RNF38: variants seen among roughly 807,000 people sequenced by gnomAD.
The protein encoded by RNF38 is E3 ubiquitin-protein ligase RNF38.
In RNF38, 15 loss-of-function variants were observed where a neutral mutation model predicts 67.2. The ratio of observed to expected loss-of-function variants is 0.22; its 90% confidence interval spans 0.15 to 0.34. The LOEUF (loss-of-function observed/expected upper bound fraction) is 0.34. Among genes scored for constraint, RNF38 ranks in the 10% least tolerant of loss-of-function variants. The pLI is 1.00. For synonymous variants in RNF38, 220 were observed against 218.8 expected (o/e 1.01, Z -0.05); for missense variants, 524 against 639.9 (o/e 0.82, Z 1.95).
chr9:36,476,691 CT>C (rs1554702482), intron 1 of RNF38, among the ~76,000 whole-genome samples: 2 of 151,260 alleles, frequency 1.3e-5, no homozygotes, highest in South Asian at 4.2e-4. Context: ...GCCCGGCTAA[CT>C]TTTTTTTGTA....
At chr9:36,367,490 C>T (rs1835063386) in intron 4 of RNF38, among the ~76,000 whole-genome samples, 2 of 151,944 alleles carry the variant, frequency 1.3e-5, no homozygotes, top group Admixed American at 6.6e-5. Flanking sequence ...AATACTGAAC[C>T]CATGCAGGAC....
In RNF38 at chr9:36,353,281, T is replaced by C; in HGVS notation, c.960A>G (p.Pro320=). Residue 320 remains proline (P), a synonymous_variant, in exon 7 of 12, where the codon CCA becomes CCG. Transcript: ENST00000259605. ...ATGGAGGGTAAGTAAAACCTCCTACTGGAAGATGTTCTCCTAAGAGTTCCA... is the reference window on the plus strand; with the variant it reads ...ATGGAGGGTAAGTAAAACCTCCTACCGGAAGATGTTCTCCTAAGAGTTCCA... The part of the protein sequence containing the change: ...NEVELLGEHL[P]VGGFTYPPSA... 6.2e-7 allele frequency: 1 copy of C among 1,613,232 alleles called. No individual in the cohort carries two copies. The highest frequency in any genetic ancestry group is 2.2e-5 in the East Asian group (1 of 44,858).
At chr9:36,388,626 G>A (rs1009692022) in intron 2 of RNF38, among the ~76,000 whole-genome samples, 3 of 152,100 alleles carry the variant, frequency 2.0e-5, no homozygotes, top group Non-Finnish European at 2.9e-5. Flanking sequence ...CCTCATGCTT[G>A]GTGTGGGGGG....
intron 1 of RNF38, among the ~76,000 whole-genome samples, chr9:36,465,471 C>T (rs574388798): frequency 4.6e-5 from 7 of 152,116 alleles, no homozygotes; most frequent in African/African-American, 7.2e-5. Context: ...CTTAGCCTCC[C>T]GACTAACTGG....
intron 3 of RNF38, among the ~76,000 whole-genome samples, chr9:36,371,256 G>T (rs1347759675): frequency 2.0e-5 from 3 of 152,070 alleles, no homozygotes; most frequent in Non-Finnish European, 4.4e-5. Flanking sequence ...AATCTTAAGA[G>T]AACAAGGGAC....
At chr9:36,466,880 G>A (rs114295674) in intron 1 of RNF38, among the ~76,000 whole-genome samples, 7,581 of 151,360 alleles carry the variant, frequency 0.05, 589 homozygotes, top group African/African-American at 0.17. Context: ...AAAAAAATTT[G>A]AAAAGGCATA....
At chr9:36,421,057 T>C (rs1441806238) in intron 2 of RNF38, among the ~76,000 whole-genome samples, 3 of 152,160 alleles carry the variant, frequency 2.0e-5, no homozygotes, top group Non-Finnish European at 2.9e-5. Context: ...GCCCTCATAC[T>C]CCTTGCCTGA....
chr9:36,478,383 G>GA (rs947434558), intron 1 of RNF38, among the ~76,000 whole-genome samples: 27 of 123,102 alleles, frequency 2.2e-4, no homozygotes, highest in Middle Eastern at 6.9e-3. Context: ...CAGCCTGGGG[G>GA]AGAGAGCGAG....
At chr9:36,416,225 TG>T (rs1372876321) in intron 2 of RNF38, among the ~76,000 whole-genome samples, 1 of 109,220 alleles carries the variant, frequency 9.2e-6, no homozygotes, top group African/African-American at 3.6e-5. Flanking sequence ...GGATGGGGGA[TG>T]GGGGTGTGAT....
chr9:36,453,912 T>C (rs963636372), intron 1 of RNF38, among the ~76,000 whole-genome samples: 4 of 152,214 alleles, frequency 2.6e-5, no homozygotes, highest in South Asian at 4.1e-4. Flanking sequence ...ATAAATGATA[T>C]GTTGTTTAGA....
chr9:36,350,536 G>A (rs1005149219), intron 9 of RNF38, among the ~76,000 whole-genome samples: 1 of 152,170 alleles, frequency 6.6e-6, no homozygotes, highest in African/African-American at 2.4e-5. Context: ...AGAATGTCTA[G>A]CCCTTCTCTG....
chr9:36,433,960 C>A (rs927152640), intron 1 of RNF38, among the ~76,000 whole-genome samples: 2 of 151,776 alleles, frequency 1.3e-5, no homozygotes, highest in African/African-American at 4.8e-5. Flanking sequence ...ACTTTTAGGC[C>A]AGGCGCGGTG....
intron 2 of RNF38, among the ~76,000 whole-genome samples, chr9:36,389,481 A>G (rs967358522): frequency 1.3e-5 from 2 of 152,324 alleles, no homozygotes. Flanking sequence ...TACATATGTG[A>G]TTAGACACCT....
intron 2 of RNF38, among the ~76,000 whole-genome samples, chr9:36,415,929 T>C (rs1006883891): frequency 6.6e-6 from 1 of 152,000 alleles, no homozygotes; most frequent in East Asian, 1.9e-4. Context: ...ATGGCTTCAG[T>C]TGGTTGGCCT....
chr9:36,422,510 T>C (rs1838658862), intron 2 of RNF38, among the ~76,000 whole-genome samples: 1 of 152,224 alleles, frequency 6.6e-6, no homozygotes, highest in Non-Finnish European at 1.5e-5. Flanking sequence ...TAAAATGCTA[T>C]ACTAGAATCT....
At chr9:36,445,976 C>T (rs1033725012) in intron 1 of RNF38, among the ~76,000 whole-genome samples, 1 of 152,208 alleles carries the variant, frequency 6.6e-6, no homozygotes, top group African/African-American at 2.4e-5. Flanking sequence ...TATTCTCCCA[C>T]GTGCATTCTG....
intron 1 of RNF38, among the ~76,000 whole-genome samples, chr9:36,441,930 G>A (rs1839200466): frequency 6.6e-6 from 1 of 152,150 alleles, no homozygotes; most frequent in African/African-American, 2.4e-5. Flanking sequence ...GATTTACAGT[G>A]AACATCAGAT....
chr9:36,400,716 T>C, upstream of RNF38: 2 of 985,634 alleles, frequency 2.0e-6, no homozygotes, highest in Non-Finnish European at 2.4e-6. Context: ...GCACTGTCAC[T>C]GCGCTTCCTT....
chr9:36,414,800 C>G (rs533546458), intron 2 of RNF38, among the ~76,000 whole-genome samples: 31 of 151,864 alleles, frequency 2.0e-4, no homozygotes, highest in Non-Finnish European at 3.5e-4. Context: ...TTTTATCTTT[C>G]CTTTATTTAT....
Sources: gnomAD v4.1 joint callset for allele counts (sites outside exome capture counted in the v4.1 genomes callset) on GRCh38, gnomAD v4.1.1 for gene constraint, MANE v1.5 for transcripts, NCBI Gene and HGNC (gene_info 2026-07-23, HGNC 2026-07-21) for gene names.